Variants in CYRIB observed in about 807,000 individuals in gnomAD.
The protein encoded by CYRIB is CYFIP-related Rac1 interactor B.
CYRIB carries 8 observed loss-of-function variants against 44.2 expected under a neutral mutation model. The ratio of observed to expected loss-of-function variants is 0.18; its 90% CI spans 0.11 to 0.33. The LOEUF (loss-of-function observed/expected upper bound fraction) is 0.33. Among genes scored for constraint, CYRIB ranks in the 10% least tolerant of loss-of-function variants. CYRIB has a pLI of 1.00. For missense variants in CYRIB, 185 were observed against 382.8 expected (o/e 0.48, Z 4.31); for synonymous variants, 131 against 127.2 (o/e 1.03, Z -0.20).
At chr8:129,947,782 T>A (rs1163834473) in intron 2 of CYRIB, 1 of 152,226 alleles carries the variant, frequency 6.6e-6, no homozygotes, top group Non-Finnish European at 1.5e-5. Flanking sequence ...ATTAAAATGG[T>A]TCATTTACTG....
chr8:129,949,485 A>G (rs1309744367), intron 2 of CYRIB: 1 of 152,252 alleles, frequency 6.6e-6, no homozygotes, highest in Non-Finnish European at 1.5e-5. Context: ...CCTGCTTTGC[A>G]TAAATCATTC....
rs143264537 is a variant in CYRIB at position 129,979,853 on chromosome 8, G to A, written c.-295-8858C>T. ...GAAGAATTGCTTGAAGCCAGGAGGC[G>A]GAGGGTGCAATGAGCCGAGATCACG... On this transcript the variant is annotated intron_variant, in intron 1 of 14. Coordinates refer to the CYRIB transcript ENST00000401979. Among the ~76,000 whole-genome samples the A allele has an allele frequency of 2.9e-3, 442 of 152,222 alleles. 4 individuals carry two copies. The highest frequency in any genetic ancestry group is 0.01 in the African/African-American group (425 of 41,526).
chr8:129,913,660 T>A (rs538026374), intron 1 of CYRIB, among the ~76,000 whole-genome samples: 2 of 152,320 alleles, frequency 1.3e-5, no homozygotes, highest in Non-Finnish European at 2.9e-5. Flanking sequence ...GCGCTTTGAG[T>A]AGCACTAGTA....
chr8:129,983,344 C>T (rs2096319188), intron 1 of CYRIB, among the ~76,000 whole-genome samples: 1 of 152,138 alleles, frequency 6.6e-6, no homozygotes, highest in Admixed American at 6.5e-5. Context: ...ACTCGGGAGG[C>T]TGAGGCAGGG....
At chr8:129,942,658 A>G (rs190158964), upstream of CYRIB, among the ~76,000 whole-genome samples, 1 of 152,234 alleles carries the variant, frequency 6.6e-6, no homozygotes, top group Non-Finnish European at 1.5e-5. Context: ...GCAAAAAAAA[A>G]GGGCTTACAT....
At chr8:129,850,946 A>G in intron 8 of CYRIB, 32 bp from the exon 11 acceptor site, 1 of 1,381,088 alleles carries the variant, frequency 7.2e-7, no homozygotes, top group Admixed American at 1.8e-5. Context: ...AAAAAAAGTA[A>G]AAGTAACAAA....
intron 2 of CYRIB, among the ~76,000 whole-genome samples, chr8:129,888,154 C>A (rs1378635114): frequency 6.6e-6 from 1 of 152,106 alleles, no homozygotes; most frequent in Non-Finnish European, 1.5e-5. Context: ...GAGTGGACTT[C>A]CCCCTTGCTG....
At chr8:129,850,973 C>T (rs934477705) in intron 8 of CYRIB, 59 bp from the exon 11 acceptor site, 1 of 1,118,168 alleles carries the variant, frequency 8.9e-7, no homozygotes, top group Non-Finnish European at 1.3e-6. Flanking sequence ...TACTTAAGCA[C>T]AATTTAAAAT....
chr8:129,965,344 C>T (rs2095431933), intron 2 of CYRIB, among the ~76,000 whole-genome samples: 1 of 151,966 alleles, frequency 6.6e-6, no homozygotes, highest in Admixed American at 6.6e-5. Context: ...TGTATAAACA[C>T]TTATACCCTC....
At chr8:129,986,562 T>C (rs994038769) in intron 1 of CYRIB, among the ~76,000 whole-genome samples, 7 of 152,080 alleles carry the variant, frequency 4.6e-5, no homozygotes, top group Admixed American at 3.3e-4. Context: ...TGGGTTATCT[T>C]GGGATTGGGA....
intron 11 of CYRIB, among the ~76,000 whole-genome samples, chr8:129,845,043 C>T (rs1341944239): frequency 6.6e-6 from 1 of 152,090 alleles, no homozygotes; most frequent in Non-Finnish European, 1.5e-5. Flanking sequence ...ACTCTTGCCT[C>T]CGTGGTGCTT....
chr8:129,986,764 A>G (rs1488056599), intron 1 of CYRIB, among the ~76,000 whole-genome samples: 3 of 152,180 alleles, frequency 2.0e-5, no homozygotes, highest in Admixed American at 6.5e-5. Flanking sequence ...CCTTTTCTTT[A>G]TAAGTTACGC....
chr8:129,967,427 T>TGC (rs2095525533), intron 2 of CYRIB, among the ~76,000 whole-genome samples: 2 of 151,978 alleles, frequency 1.3e-5, no homozygotes, highest in East Asian at 3.9e-4. Context: ...TCGCCCAGGC[T>TGC]GGAGTGCAGT....
chr8:129,912,098 C>T (rs1186059471), intron 1 of CYRIB, among the ~76,000 whole-genome samples: 1 of 151,958 alleles, frequency 6.6e-6, no homozygotes, highest in Admixed American at 6.6e-5. Flanking sequence ...TTTAATCTAC[C>T]CCACATGTTC....
chr8:129,937,313 T>C (rs2092991615), intron 1 of CYRIB, among the ~76,000 whole-genome samples: 1 of 152,242 alleles, frequency 6.6e-6, no homozygotes. Context: ...TTGTAGGTTC[T>C]CACAGTTGAA....
At chr8:129,926,885 G>C (rs930324696) in intron 1 of CYRIB, among the ~76,000 whole-genome samples, 9 of 152,150 alleles carry the variant, frequency 5.9e-5, no homozygotes, top group African/African-American at 2.2e-4. Context: ...TAATACTCAA[G>C]AGCAGATTTA....
At chr8:129,873,785 A>G (rs1375025593) in intron 3 of CYRIB, among the ~76,000 whole-genome samples, 2 of 152,084 alleles carry the variant, frequency 1.3e-5, no homozygotes, top group Non-Finnish European at 2.9e-5. Context: ...TAAGTGGTTA[A>G]TAACTAGTAA....
chr8:129,846,125 C>T (rs1303689788), intron 11 of CYRIB, among the ~76,000 whole-genome samples: 2 of 152,138 alleles, frequency 1.3e-5, no homozygotes, highest in Non-Finnish European at 2.9e-5. Context: ...GAGCGAGATT[C>T]CAACTCTAAA....
In CYRIB at chr8:130,004,153, G is replaced by A. The variant is rs1398504290; in HGVS notation, c.-296+12217C>T. Among the ~76,000 whole-genome samples the A allele has an allele frequency of 4.6e-5, 7 of 152,240 alleles. No individual in the cohort carries two copies. The East Asian group carries it at 5.8e-4, about 13-fold the overall frequency. On this transcript the variant is annotated intron_variant, in intron 1 of 14. Transcript: ENST00000401979. ...TCACACTCAAGCATGAGAGACCCTC[G>A]GATAATCACACATACACAGGTAACA... is the stretch of plus-strand genomic sequence containing the variant.
Sources: gnomAD v4.1 joint callset for allele counts (sites outside exome capture counted in the v4.1 genomes callset) on GRCh38, gnomAD v4.1.1 for gene constraint, MANE v1.5 for transcripts, NCBI Gene and HGNC (gene_info 2026-07-23, HGNC 2026-07-21) for gene names.